Variants in NME8 observed in about 807,000 individuals in gnomAD.
The protein encoded by NME8 is NME/NM23 family member 8.
In NME8, 72 loss-of-function variants were observed where a neutral mutation model predicts 82.3. The observed-to-expected ratio is 0.87, with a 90% CI of 0.72 to 1.06. The LOEUF is 1.06. NME8 is among the 50% of genes least tolerant of loss of function. The probability of loss-of-function intolerance (pLI) is 0.00; values close to 1 mark genes in which losing one functional copy is unlikely to be tolerated. For missense variants in NME8, 712 were observed against 685.4 expected (o/e 1.04, Z -0.43); for synonymous variants, 267 against 228.5 (o/e 1.17, Z -1.52).
rs369230020 is a variant in NME8, at chr7:37,871,139, G to C, written c.818+3241G>C. Among the ~76,000 whole-genome samples, 28 of 152,152 alleles carry C rather than the reference G, an allele frequency of 1.8e-4. No homozygotes were observed. In the East Asian group the frequency reaches 2.1e-3, roughly 12 times the overall value. On this transcript the variant is annotated intron_variant, in intron 11 of 17. Transcript: ENST00000199447. Reference sequence around the variant, plus strand: ...CAGAGCAATTGAACTGGGAGTGATTGGTGACCCCTCTGCGTACAGAGCAGC... The same window carrying C: ...CAGAGCAATTGAACTGGGAGTGATTCGTGACCCCTCTGCGTACAGAGCAGC...
Position 37,884,284 on chromosome 7 carries a change from T to C in NME8, c.995-19T>C, listed in dbSNP as rs1785007828. 6.6e-6 allele frequency: 10 copies of C among 1,505,020 alleles called. No homozygotes were observed. The highest frequency in any genetic ancestry group is 9.2e-6 in the Non-Finnish European group (10 of 1,081,616). 93.2% of individuals were successfully genotyped at this position (1,505,020 alleles called of 1,614,324 possible). On this transcript the variant is annotated intron_variant, in intron 12 of 17. Transcript: ENST00000199447. ...TAATCTACCAGTTTAAAACTTATTA[T>C]GTAACTGTTTTTATTTAGATGATGT... is the stretch of plus-strand genomic sequence containing the variant.
chr7:37,868,638 G>C lies in NME8; in HGVS notation c.818+740G>C, dbSNP rs537839955. On this transcript the variant is annotated intron_variant, in intron 11 of 17. Coordinates refer to ENST00000199447, the MANE Select transcript of NME8 (RefSeq NM_016616.5). The stretch of plus-strand genomic sequence containing the variant: ...TTTCCCTGTTTGTCTTCCTAGAGCT[G>C]GGCATACCAGTCTGGCCACAAGGGC... 8.5e-5 allele frequency among the ~76,000 whole-genome samples: 13 copies of C among 152,164 alleles called. No individual in the cohort carries two copies. The South Asian group carries it at 2.5e-3, about 29-fold the overall frequency.
chr7:37,868,596 A>T (rs1351439603), intron 11 of NME8, among the ~76,000 whole-genome samples: 1 of 152,062 alleles, frequency 6.6e-6, no homozygotes, highest in Non-Finnish European at 1.5e-5. Flanking sequence ...TGTCAAGAAC[A>T]CTAGAAAGGG....
At chr7:37,861,555 A>T (rs1262112597) in intron 6 of NME8, among the ~76,000 whole-genome samples, 1 of 152,124 alleles carries the variant, frequency 6.6e-6, no homozygotes, top group Non-Finnish European at 1.5e-5. Context: ...TTTAAAAAAA[A>T]CCTAATTAGG....
chr7:37,881,115 C>T (rs909630449), intron 12 of NME8, among the ~76,000 whole-genome samples: 5 of 152,110 alleles, frequency 3.3e-5, no homozygotes, highest in African/African-American at 1.2e-4. Context: ...ACAATAGTTT[C>T]ATTTCCTCAT....
intron 11 of NME8, among the ~76,000 whole-genome samples, chr7:37,873,735 G>A (rs1784807034): frequency 6.6e-6 from 1 of 152,184 alleles, no homozygotes; most frequent in South Asian, 2.1e-4. Context: ...ACCATGTACA[G>A]CACACTACTT....
intron 11 of NME8, among the ~76,000 whole-genome samples, chr7:37,870,027 T>C (rs993968080): frequency 2.6e-5 from 4 of 152,124 alleles, no homozygotes; most frequent in Non-Finnish European, 5.9e-5. Context: ...ACGGAGATAG[T>C]GTACAAGTTA....
At chr7:37,877,856 A>G (rs1420269774) in intron 12 of NME8, among the ~76,000 whole-genome samples, 1 of 152,208 alleles carries the variant, frequency 6.6e-6, no homozygotes, top group Non-Finnish European at 1.5e-5. Context: ...GAGGTTGCCA[A>G]ATGCCCTTTG....
intron 15 of NME8, among the ~76,000 whole-genome samples, chr7:37,891,101 A>G (rs1046247116): frequency 6.6e-6 from 1 of 151,922 alleles, no homozygotes; most frequent in African/African-American, 2.4e-5. Context: ...GTTTTTACCC[A>G]TTTTTAAACC....
In NME8 at chr7:37,891,242, T is replaced by C. The variant is rs1785124751; in HGVS notation, c.1399+2814T>C. Among the ~76,000 whole-genome samples, 6 of 152,092 alleles carry C rather than the reference T, an allele frequency of 3.9e-5. No homozygotes were observed. In the South Asian group the frequency reaches 1.2e-3, roughly 32 times the overall value. Reference sequence around the variant, plus strand: ...AATTCTGTAGGTTGTCTCTTCACTCTTGATTTTTTTCTTCACTATGCAGAA... The same window carrying C: ...AATTCTGTAGGTTGTCTCTTCACTCCTGATTTTTTTCTTCACTATGCAGAA... On this transcript the variant is annotated intron_variant, in intron 15 of 17. Coordinates refer to ENST00000199447, the MANE Select transcript of NME8 (RefSeq NM_016616.5).
chr7:37,849,003 T>C lies in NME8; in HGVS notation c.-61T>C, dbSNP rs1234003873. The C allele has an allele frequency of 6.6e-6, 1 of 152,272 alleles. No individual in the cohort carries two copies. Among genetic ancestry groups the C allele is most frequent in the African/African-American group, 2.4e-5 (1 of 41,448 alleles). The allele number at this position is 152,272 out of a possible 1,614,324, so 9.4% of individuals were successfully genotyped here. A position where few individuals can be genotyped will look rare whatever the true frequency, so the allele number is the denominator to read the frequency against. On this transcript the variant is annotated 5_prime_UTR_variant, in exon 2 of 18. Transcript: ENST00000199447. ...AGCCGATTTAGATCCTCTGGGCCTG[T>C]TCCTTCCTTTTCTTTAAACGTCCCA... is the stretch of plus-strand genomic sequence containing the variant.
chr7:37,864,898 T>C (rs1240076861), intron 9 of NME8, among the ~76,000 whole-genome samples: 1 of 152,152 alleles, frequency 6.6e-6, no homozygotes, highest in Non-Finnish European at 1.5e-5. Flanking sequence ...ATGAGACTCA[T>C]TCACTATCAT....
At chr7:37,899,134 C>G (rs983071809) in intron 17 of NME8, among the ~76,000 whole-genome samples, 3 of 152,106 alleles carry the variant, frequency 2.0e-5, no homozygotes, top group African/African-American at 7.2e-5. Context: ...GCTGATTCCT[C>G]GAAGACCTGG....
At chr7:37,892,419 C>T (rs536546460) in intron 15 of NME8, among the ~76,000 whole-genome samples, 1 of 151,382 alleles carries the variant, frequency 6.6e-6, no homozygotes, top group Non-Finnish European at 1.5e-5. Flanking sequence ...TTGACTTACT[C>T]AATTTTTAGT....
At chr7:37,854,311 C>T (rs1343650123) in intron 5 of NME8, among the ~76,000 whole-genome samples, 1 of 151,966 alleles carries the variant, frequency 6.6e-6, no homozygotes, top group Non-Finnish European at 1.5e-5. Flanking sequence ...AATTCTTCAT[C>T]CTCATCATCT....
chr7:37,849,220 GC>G (rs1245023542), intron 2 of NME8, 164 bp downstream of exon 2: 1 of 152,198 alleles, frequency 6.6e-6, no homozygotes, highest in Admixed American at 6.5e-5. Context: ...TTTATGTCGT[GC>G]CCCAGAAAAC....
chr7:37,882,575 GAAAGAAAGAAAGAA>G (rs1222461978), intron 12 of NME8, among the ~76,000 whole-genome samples: 32 of 42,892 alleles, frequency 7.5e-4, no homozygotes, highest in Non-Finnish European at 1.5e-3. Flanking sequence ...AAGAAAGAAA[GAAAGAAAGAAAGAA>G]AGAAAGAAAG....
In NME8 at chr7:37,884,343, A is replaced by G; in HGVS notation, c.1035A>G (p.Ile345Met). 6.3e-7 allele frequency: 1 copy of G among 1,598,350 alleles called. No individual in the cohort carries two copies. Among genetic ancestry groups the G allele is most frequent in the Non-Finnish European group, 8.6e-7 (1 of 1,165,694 alleles). The change falls in exon 13 of 18, where the codon ATA becomes ATG. Residue 345 changes from isoleucine (I) to methionine (M), a missense_variant. Coordinates refer to ENST00000199447, the MANE Select transcript of NME8 (RefSeq NM_016616.5). ...TTATTAAAGATGAAGACTTCAAAAT[A>G]CTGGAGCAAAGACAAGTAGTATTAT... ...LRIIKDEDFK[I>M]LEQRQVVLSE...
chr7:37,875,564 ATTAAT>A (rs1044451763), intron 11 of NME8, among the ~76,000 whole-genome samples: 90 of 152,146 alleles, frequency 5.9e-4, no homozygotes, highest in African/African-American at 2.1e-3. Flanking sequence ...CAACTTTTCT[ATTAAT>A]TTAATTTTTT....
Sources: allele counts gnomAD v4.1 joint callset (sites outside exome capture counted in the v4.1 genomes callset), GRCh38; gene constraint gnomAD v4.1.1; transcripts MANE v1.5; gene names NCBI Gene and HGNC (gene_info 2026-07-23, HGNC 2026-07-21).